The following DOK4 variants were observed in gnomAD, a reference collection of about 807,000 sequenced individuals.
The protein encoded by DOK4 is downstream of tyrosine kinase 4.
DOK4 carries 26 observed loss-of-function variants against 40.1 expected under a neutral mutation model. That is an observed-to-expected ratio of 0.65 (90% CI 0.48 to 0.90). The LOEUF (loss-of-function observed/expected upper bound fraction) is 0.90, where lower values mean the gene tolerates loss of function less well. Ranked by LOEUF, DOK4 falls within the 40% of genes least tolerant of loss-of-function variation. The probability of loss-of-function intolerance (pLI) is 0.00; values close to 1 mark genes in which losing one functional copy is unlikely to be tolerated. For synonymous variants in DOK4, 179 were observed against 177.0 expected, an observed-to-expected ratio of 1.01 and a Z score of -0.09; for missense variants, 392 against 437.2, an observed-to-expected ratio of 0.90 and a Z score of 0.92.
chr16:57,473,744 G>A lies in DOK4; in HGVS notation c.739-8C>T. 6.2e-7 allele frequency: 1 copy of A among 1,606,466 alleles called. No individual in the cohort carries two copies. Among genetic ancestry groups the A allele is most frequent in the Non-Finnish European group, 8.5e-7 (1 of 1,175,064 alleles). On this transcript the variant is annotated splice_polypyrimidine_tract_variant and splice_region_variant and intron_variant, in intron 7 of 8. Transcript: ENST00000340099. ...CGTGCCCTTGTTCAGCAGCTGTGGGGCAAAGGAAGGGGTCACTCCCATTAG... is the reference window on the plus strand; with the variant it reads ...CGTGCCCTTGTTCAGCAGCTGTGGGACAAAGGAAGGGGTCACTCCCATTAG...
Position 57,479,404 on chromosome 16 carries a change from C to A in DOK4, c.66+38G>T. 1 of 1,609,846 alleles carries A rather than the reference C, an allele frequency of 6.2e-7. No individual in the cohort carries two copies. The highest frequency in any genetic ancestry group is 8.5e-7 in the Non-Finnish European group (1 of 1,178,066). Reference sequence around the variant, plus strand: ...TGGGACCGAGTCCTCGGGCCCCCATCCCTTGGCAGGGCCCCTCCGCAGCTC... The same window carrying A: ...TGGGACCGAGTCCTCGGGCCCCCATACCTTGGCAGGGCCCCTCCGCAGCTC... On this transcript the variant is annotated intron_variant, in intron 2 of 8. Coordinates refer to ENST00000340099, the Ensembl canonical transcript of DOK4. The surrounding 1 kb of genome is among the most constrained non-coding windows in gnomAD (Gnocchi z 5.8).
Position 57,475,967 on chromosome 16 carries a change from G to C in DOK4, c.67-10C>G, listed in dbSNP as rs575032652. 3.7e-6 allele frequency: 6 copies of C among 1,608,788 alleles called. No individual in the cohort carries two copies. The highest frequency in any genetic ancestry group is 3.3e-5 in the South Asian group (3 of 90,464). ...AGCACCTCCGGTAGATCTGTGGAGC[G>C]AGATGACAGGGCTCAGGCCTCCCTG... On this transcript the variant is annotated splice_polypyrimidine_tract_variant and intron_variant, in intron 2 of 8. Coordinates refer to ENST00000340099, the Ensembl canonical transcript of DOK4.
chr16:57,474,638 C>T, intron 6 of DOK4, 155 bp downstream of exon 6: 3 of 981,142 alleles, frequency 3.1e-6, no homozygotes, highest in Admixed American at 5.1e-5. Flanking sequence ...GCCTCCATTT[C>T]ATTTCTTCGT....
intron 1 of DOK4, among the ~76,000 whole-genome samples, chr16:57,480,068 G>A (rs2031359857): frequency 6.6e-6 from 1 of 152,080 alleles, no homozygotes; most frequent in African/African-American, 2.4e-5. Context: ...TGATAACTCT[G>A]GTGCAAATTT....
chr16:57,473,400 C>CA lies in DOK4; in HGVS notation c.957dup (p.Glu320Ter), dbSNP rs752630615. On this transcript the variant is annotated frameshift_variant, in exon 9 of 9. Transcript: ENST00000340099. LOFTEE classifies it high-confidence loss of function. ...GGTCACTGGGATGGGGTCTTGGCCT[C>CA]ACTGCTGTCCCCCTGGCTGGGCTTT... The CA allele has an allele frequency of 1.9e-6, 3 of 1,613,998 alleles. No homozygotes were observed. The East Asian group carries it at 6.7e-5, about 36-fold the overall frequency.
chr16:57,485,970 G>C lies in DOK4; in HGVS notation c.-182+335C>G, dbSNP rs77429872. The stretch of plus-strand genomic sequence containing the variant: ...GAAGGTTGGGAGCTGCCAGGGGCTG[G>C]GTTATGCCCCTTCCGGGGGGGCAGG... On this transcript the variant is annotated intron_variant, in intron 1 of 8. Transcript: ENST00000340099. The surrounding 1 kb of genome is among the most constrained non-coding windows in gnomAD (Gnocchi z 4.3). 6.6e-6 allele frequency among the ~76,000 whole-genome samples: 1 copy of C among 152,180 alleles called. No homozygotes were observed. The highest frequency in any genetic ancestry group is 1.5e-5 in the Non-Finnish European group (1 of 68,028).
exon 6 of DOK4, chr16:57,474,874 C>G: frequency 6.2e-7 from 1 of 1,614,138 alleles, no homozygotes. Context: ...GAGCTTCACA[C>G]GGGGGTTGTG....
At chr16:57,477,237 C>T (rs1404195382) in intron 2 of DOK4, among the ~76,000 whole-genome samples, 1 of 152,156 alleles carries the variant, frequency 6.6e-6, no homozygotes, top group African/African-American at 2.4e-5. Context: ...TTTCAAGATA[C>T]CACTCAGAGC....
intron 2 of DOK4, among the ~76,000 whole-genome samples, chr16:57,478,355 C>T (rs977721954): frequency 1.9e-5 from 2 of 105,316 alleles, no homozygotes; most frequent in Non-Finnish European, 3.7e-5. Flanking sequence ...CCCTCTCCCA[C>T]TCCGCATGCC....
At chr16:57,474,829 C>T (rs756933069) in exon 6 of DOK4, 1 of 1,614,140 alleles carries the variant, frequency 6.2e-7, no homozygotes. Flanking sequence ...GGCATCCCGG[C>T]CATAGCGGCG....
At chr16:57,473,191 C>A (rs551966125) in exon 9 of DOK4, 7 of 796,744 alleles carry the variant, frequency 8.8e-6, no homozygotes, top group African/African-American at 1.7e-5. Context: ...ACCCCTCACA[C>A]ATGCTCAGGT....
intron 4 of DOK4, 82 bp from the exon 5 acceptor site, chr16:57,475,301 C>A (rs1380575081): frequency 2.6e-6 from 4 of 1,563,210 alleles, no homozygotes; most frequent in Non-Finnish European, 1.7e-6. Flanking sequence ...TGCCACCATG[C>A]ACAGCAGGGA....
intron 2 of DOK4, among the ~76,000 whole-genome samples, chr16:57,477,293 C>T (rs780641838): frequency 1.3e-5 from 2 of 152,216 alleles, no homozygotes; most frequent in African/African-American, 2.4e-5. Flanking sequence ...GGCATGTCTG[C>T]TCCTGCACCC....
chr16:57,473,495 C>T, exon 9 of DOK4: 1 of 1,614,206 alleles, frequency 6.2e-7, no homozygotes. Flanking sequence ...ATACCCCTCA[C>T]CTGTGGGCAC....
In DOK4 at chr16:57,473,422, CT is replaced by C. The variant is rs1342236943; in HGVS notation, c.935del (p.Lys312SerfsTer24). ...CCTCACTGCTGTCCCCCTGGCTGGG[CT>C]TTGGCTTTAGCAGGATGAATCTGTT... On this transcript the variant is annotated frameshift_variant, in exon 9 of 9. Transcript: ENST00000340099. LOFTEE classifies it high-confidence loss of function. 3.1e-6 allele frequency: 5 copies of C among 1,614,172 alleles called. No homozygotes were observed. Among genetic ancestry groups the C allele is most frequent in the Non-Finnish European group, 4.2e-6 (5 of 1,180,020 alleles).
At chr16:57,482,116 G>A (rs922947589) in intron 1 of DOK4, among the ~76,000 whole-genome samples, 7 of 151,782 alleles carry the variant, frequency 4.6e-5, no homozygotes, top group Admixed American at 1.3e-4. Flanking sequence ...CGCCCGCCTC[G>A]GCCTCCCAAA....
chr16:57,481,874 T>C (rs2031420871), intron 1 of DOK4: 1 of 152,278 alleles, frequency 6.6e-6, no homozygotes, highest in Non-Finnish European at 1.5e-5. Context: ...CTTTTTCTTT[T>C]TCTTTTTTGA....
At chr16:57,482,646 C>T (rs1170461856) in intron 1 of DOK4, among the ~76,000 whole-genome samples, 3 of 151,976 alleles carry the variant, frequency 2.0e-5, no homozygotes, top group East Asian at 1.9e-4. Context: ...GGATTACAGG[C>T]GTGAGCCACT....
At position 57,475,268 on chromosome 16, in the gene DOK4, C is replaced by T; in HGVS notation, c.290-49G>A. On this transcript the variant is annotated intron_variant, in intron 4 of 8. Coordinates refer to ENST00000340099, the Ensembl canonical transcript of DOK4. ...TGCAGCTCCAGAGCCCGGTAGCCCACCCCGTCTGCCCAGCCTGACTTATGC... is the reference window on the plus strand; with the variant it reads ...TGCAGCTCCAGAGCCCGGTAGCCCATCCCGTCTGCCCAGCCTGACTTATGC... 1.9e-6 allele frequency: 3 copies of T among 1,587,684 alleles called. No individual in the cohort carries two copies. The Admixed American group carries it at 5.1e-5, about 27-fold the overall frequency.
Sources: gnomAD v4.1 joint callset for allele counts (sites outside exome capture counted in the v4.1 genomes callset) on GRCh38, gnomAD v4.1.1 for gene constraint, Gnocchi (gnomAD v3.1) non-coding constraint, MANE v1.5 for transcripts, NCBI Gene and HGNC (gene_info 2026-07-23, HGNC 2026-07-21) for gene names.